USP35: variants seen among roughly 807,000 people sequenced by gnomAD.
USP35 encodes the protein ubiquitin carboxyl-terminal hydrolase 35.
In USP35, 69 loss-of-function variants were observed where a neutral mutation model predicts 83.8. The ratio of observed to expected loss-of-function variants is 0.82; its 90% CI spans 0.68 to 1.01. USP35 has a LOEUF of 1.01. Among genes scored for constraint, USP35 ranks in the 50% least tolerant of loss-of-function variants. The probability of loss-of-function intolerance (pLI) is 0.00; values close to 1 mark genes in which losing one functional copy is unlikely to be tolerated. For missense variants in USP35, 1,503 were observed against 1,362.5 expected, an observed-to-expected ratio of 1.10 and a Z score of -1.62; for synonymous variants, 714 against 589.5, an observed-to-expected ratio of 1.21 and a Z score of -3.06.
In USP35 at chr11:78,190,246, G is replaced by T. The variant is rs537337938; in HGVS notation, c.-11+1089G>T. Among the ~76,000 whole-genome samples, 1,354 of 151,918 alleles carry T rather than the reference G, an allele frequency of 8.9e-3. 18 individuals carry two copies. The highest frequency in any genetic ancestry group is 0.031 in the African/African-American group (1,273 of 41,312). On this transcript the variant is annotated intron_variant, in intron 1 of 10. Coordinates refer to ENST00000529308, the MANE Select transcript of USP35 (RefSeq NM_020798.4). Reference sequence around the variant, plus strand: ...CTAACCAGGAACAGATTTTTGTTTTGTTTTGTTTTGTTTTTGTTTTGTGCT... The same window carrying T: ...CTAACCAGGAACAGATTTTTGTTTTTTTTTGTTTTGTTTTTGTTTTGTGCT...
At chr11:78,218,504 A>T (rs1864257770), downstream of USP35, 1 of 152,672 alleles carries the variant, frequency 6.5e-6, no homozygotes, top group Non-Finnish European at 1.5e-5. Context: ...TGTCCTTGTC[A>T]TCTCCACCAC....
At chr11:78,215,739 C>T (rs917030170), downstream of USP35, 6 of 151,956 alleles carry the variant, frequency 3.9e-5, no homozygotes, top group South Asian at 2.1e-4. Flanking sequence ...GTCCCAGGTC[C>T]TAAACAGCAG....
chr11:78,231,339 GT>G, the USP35 span, among the ~76,000 whole-genome samples: 1,500 of 149,380 alleles, frequency 0.01, 20 homozygotes, highest in African/African-American at 0.035. Flanking sequence ...CGTGTGTGGT[GT>G]GTGTGTGTGT....
Position 78,189,093 on chromosome 11 carries a change from G to T in USP35, c.-75G>T. ...ACCAGCCCTGACCTAGCCGGGCCCAGCCTCGTCCTGCCCGGCCTGAGCGCC... is the reference window on the plus strand; with the variant it reads ...ACCAGCCCTGACCTAGCCGGGCCCATCCTCGTCCTGCCCGGCCTGAGCGCC... On this transcript the variant is annotated 5_prime_UTR_variant, in exon 1 of 11. Coordinates refer to ENST00000529308, the MANE Select transcript of USP35 (RefSeq NM_020798.4). 1 of 453,826 alleles carries T rather than the reference G, an allele frequency of 2.2e-6. No homozygotes were observed. Among genetic ancestry groups the T allele is most frequent in the Non-Finnish European group, 2.9e-6 (1 of 344,042 alleles). 28.1% of individuals were successfully genotyped at this position (453,826 alleles called of 1,614,324 possible). A position where few individuals can be genotyped will look rare whatever the true frequency, so the allele number is the denominator to read the frequency against.
chr11:78,202,401 CAT>C (rs960442231), intron 6 of USP35, among the ~76,000 whole-genome samples: 5 of 152,226 alleles, frequency 3.3e-5, no homozygotes, highest in African/African-American at 7.2e-5. Flanking sequence ...GGCCTGCTCT[CAT>C]GTGGATTTAG....
At position 78,209,972 on chromosome 11, in the gene USP35, G is replaced by T; in HGVS notation, c.2117G>T (p.Arg706Met). 1 of 1,612,420 alleles carries T rather than the reference G, an allele frequency of 6.2e-7. No individual in the cohort carries two copies. The highest frequency in any genetic ancestry group is 8.5e-7 in the Non-Finnish European group (1 of 1,179,252). ...GAAAGCACCAGAGGGGAAGGAGAGAGGGAGAAAGAGGAGGAGGTGGAAGAG... is the reference window on the plus strand; with the variant it reads ...GAAAGCACCAGAGGGGAAGGAGAGATGGAGAAAGAGGAGGAGGTGGAAGAG... The part of the protein sequence containing the change: ...EEESTRGEGE[R>M]EKEEEVEEEE... Residue 706 changes from arginine (R) to methionine (M), a missense_variant, in exon 10 of 11, where the codon AGG becomes ATG. By Grantham distance (91) the Arg-to-Met change is moderately conservative. Transcript: ENST00000529308.
At chr11:78,195,401 G>A (rs1247573093) in intron 1 of USP35, among the ~76,000 whole-genome samples, 1 of 152,182 alleles carries the variant, frequency 6.6e-6, no homozygotes, top group South Asian at 2.1e-4. Flanking sequence ...ACACGAAGTG[G>A]AGTCTAGCCA....
chr11:78,200,119 G>C lies in USP35; in HGVS notation c.937-14G>C. The C allele has an allele frequency of 5.6e-6, 9 of 1,614,054 alleles. No homozygotes were observed. Among genetic ancestry groups the C allele is most frequent in the Non-Finnish European group, 7.6e-6 (9 of 1,179,952 alleles). On this transcript the variant is annotated splice_polypyrimidine_tract_variant and intron_variant, in intron 4 of 10. Coordinates refer to ENST00000529308, the MANE Select transcript of USP35 (RefSeq NM_020798.4). ...CTCAAGCCTGGGGACTCCTGACCAG[G>C]GACTCTCTTGTAGGTTTTCTCTAAG...
At chr11:78,231,648 T>C in the USP35 span, among the ~76,000 whole-genome samples, 829 of 152,314 alleles carry the variant, frequency 5.4e-3, 7 homozygotes, top group African/African-American at 0.018. Flanking sequence ...GTGCCCGGCC[T>C]TCCCTTGGCT....
At chr11:78,203,281 C>T (rs956387730) in intron 6 of USP35, among the ~76,000 whole-genome samples, 1 of 152,122 alleles carries the variant, frequency 6.6e-6, no homozygotes, top group Non-Finnish European at 1.5e-5. Context: ...TGAAAAAGGA[C>T]ACTCTGGATG....
intron 1 of USP35, among the ~76,000 whole-genome samples, chr11:78,191,960 C>T (rs1863019235): frequency 6.6e-6 from 1 of 151,800 alleles, no homozygotes; most frequent in Admixed American, 6.6e-5. Flanking sequence ...TCTCCTGCCT[C>T]AGCCTCCTGA....
intron 2 of USP35, among the ~76,000 whole-genome samples, chr11:78,197,264 G>A (rs1013496699): frequency 5.3e-5 from 8 of 151,742 alleles, no homozygotes; most frequent in Admixed American, 6.6e-5. Flanking sequence ...TATGGTCTTC[G>A]GGTCAGGTGA....
the USP35 span, among the ~76,000 whole-genome samples, chr11:78,231,336 G>GTGTGTGT: frequency 8.2e-5 from 12 of 145,898 alleles, no homozygotes; most frequent in African/African-American, 2.1e-4. Context: ...GCGCGTGTGT[G>GTGTGTGT]GTGTGTGTGT....
At chr11:78,234,688 G>T in the USP35 span, among the ~76,000 whole-genome samples, 1 of 151,056 alleles carries the variant, frequency 6.6e-6, no homozygotes, top group Non-Finnish European at 1.5e-5. Flanking sequence ...TTCTTCTAGT[G>T]ATCTACAGGT....
chr11:78,228,906 C>T, the USP35 span, among the ~76,000 whole-genome samples: 7 of 152,062 alleles, frequency 4.6e-5, no homozygotes, highest in Non-Finnish European at 7.4e-5. Flanking sequence ...TTTCATTTTG[C>T]TTTTTTTGGA....
chr11:78,213,362 G>A lies in USP35; in HGVS notation c.2890-284G>A, dbSNP rs534121021. On this transcript the variant is annotated intron_variant, in intron 10 of 10. Transcript: ENST00000529308. ...TCCCGTGTGGTGTGATATGACCCTC[G>A]AAGTCCTCAGACCTCTCGGTACCAC... 2.2e-4 allele frequency among the ~76,000 whole-genome samples: 33 copies of A among 152,262 alleles called. 1 individual carries two copies. Among genetic ancestry groups the A allele is most frequent in the Middle Eastern group, 3.4e-3 (1 of 294 alleles).
the USP35 span, chr11:78,222,111 C>A: frequency 1.2e-6 from 2 of 1,607,978 alleles, no homozygotes; most frequent in Non-Finnish European, 1.7e-6. Context: ...TTACTTGGCC[C>A]TAGACCAAGA....
the USP35 span, chr11:78,226,620 G>GGGGGGGGGGGGCGC: frequency 6.7e-7 from 1 of 1,500,584 alleles, no homozygotes; most frequent in Non-Finnish European, 9.3e-7. Flanking sequence ...GCGGGGTGGG[G>GGGGGGGGGGGGCGC]GAGCTATGGC....
Position 78,213,722 on chromosome 11 carries a change from T to G in USP35, c.2966T>G (p.Phe989Cys). ...LPTSPHWGRGFDEDKDEDEGS... is the reference protein window; with the variant it reads ...LPTSPHWGRGCDEDKDEDEGS... The stretch of plus-strand genomic sequence containing the variant: ...ACATCTCCGCACTGGGGGAGGGGCT[T>G]TGATGAAGACAAGGATGAGGATGAA... Residue 989 changes from phenylalanine (F) to cysteine (C), a missense_variant, in exon 11 of 11, where the codon TTT becomes TGT. By Grantham distance (205) the Phe-to-Cys change is radical. Transcript: ENST00000529308. The G allele has an allele frequency of 6.5e-7, 1 of 1,534,138 alleles. No homozygotes were observed.
Sources: allele counts gnomAD v4.1 joint callset (sites outside exome capture counted in the v4.1 genomes callset), GRCh38; gene constraint gnomAD v4.1.1; transcripts MANE v1.5; gene names NCBI Gene and HGNC (gene_info 2026-07-23, HGNC 2026-07-21).